Variants in SLC9A9 observed in about 807,000 individuals in gnomAD.
SLC9A9 encodes solute carrier family 9 member A9.
Under a neutral mutation model 77.8 loss-of-function variants are expected in SLC9A9, and 62 were observed. That is an observed-to-expected ratio of 0.80 (90% CI 0.65 to 0.98). The LOEUF (loss-of-function observed/expected upper bound fraction) is 0.98. Among genes scored for constraint, SLC9A9 ranks in the 50% least tolerant of loss-of-function variants. SLC9A9 has a pLI of 0.00. For missense variants in SLC9A9, 775 were observed against 774.9 expected (o/e 1.00, Z 0.00); for synonymous variants, 320 against 283.5 (o/e 1.13, Z -1.29).
At chr3:143,521,844 T>C (rs1212510139) in intron 9 of SLC9A9, among the ~76,000 whole-genome samples, 3 of 152,236 alleles carry the variant, frequency 2.0e-5, no homozygotes, top group African/African-American at 7.2e-5. Flanking sequence ...AACTTTATAA[T>C]CTTTAGTTAT....
At chr3:143,684,585 A>G (rs1034496464) in intron 5 of SLC9A9, among the ~76,000 whole-genome samples, 19 of 152,184 alleles carry the variant, frequency 1.2e-4, no homozygotes, top group Middle Eastern at 6.8e-3. Context: ...AGAAAACAGT[A>G]ATGGGTGTTT....
At chr3:143,582,119 CA>C (rs2037466062) in intron 6 of SLC9A9, among the ~76,000 whole-genome samples, 2 of 152,184 alleles carry the variant, frequency 1.3e-5, no homozygotes, top group South Asian at 4.1e-4. Flanking sequence ...GATTTTTTAG[CA>C]GACATTGACT....
intron 12 of SLC9A9, among the ~76,000 whole-genome samples, chr3:143,446,846 C>T (rs1008909111): frequency 6.6e-6 from 1 of 151,546 alleles, no homozygotes; most frequent in Non-Finnish European, 1.5e-5. Context: ...TAAAATGCTT[C>T]AATATGGCTG....
intron 14 of SLC9A9, among the ~76,000 whole-genome samples, chr3:143,331,779 A>G (rs1272015063): frequency 6.6e-6 from 1 of 152,230 alleles, no homozygotes. Flanking sequence ...TGCATTGTAT[A>G]TTAGGGGAGT....
At chr3:143,844,580 C>A (rs2009781038) in intron 1 of SLC9A9, among the ~76,000 whole-genome samples, 1 of 152,132 alleles carries the variant, frequency 6.6e-6, no homozygotes, top group African/African-American at 2.4e-5. Flanking sequence ...GCATTAGGTG[C>A]AGGTCCACTA....
intron 4 of SLC9A9, among the ~76,000 whole-genome samples, chr3:143,781,196 GCTT>G (rs2007870780): frequency 6.6e-6 from 1 of 152,128 alleles, no homozygotes; most frequent in South Asian, 2.1e-4. Flanking sequence ...GGACACTCTT[GCTT>G]AAGAATGCTA....
At chr3:143,323,692 T>C (rs926453350) in intron 14 of SLC9A9, among the ~76,000 whole-genome samples, 1 of 152,178 alleles carries the variant, frequency 6.6e-6, no homozygotes, top group African/African-American at 2.4e-5. Flanking sequence ...AAGAAAAATA[T>C]ATCGTACTCA....
chr3:143,277,762 T>C (rs1314223407), intron 14 of SLC9A9, among the ~76,000 whole-genome samples: 4 of 152,226 alleles, frequency 2.6e-5, no homozygotes, highest in African/African-American at 4.8e-5. Flanking sequence ...AGATGCCCTC[T>C]GTTAGCTTGT....
intron 14 of SLC9A9, among the ~76,000 whole-genome samples, chr3:143,335,262 A>C (rs1002473365): frequency 2.0e-5 from 3 of 152,304 alleles, no homozygotes; most frequent in Admixed American, 6.5e-5. Flanking sequence ...GTACATTGAA[A>C]AGTACAAAAC....
intron 14 of SLC9A9, among the ~76,000 whole-genome samples, chr3:143,291,583 T>A (rs1186196307): frequency 1.3e-5 from 2 of 152,152 alleles, no homozygotes; most frequent in Non-Finnish European, 2.9e-5. Context: ...AGGAAAAGGC[T>A]ATTGGGCTGG....
chr3:143,648,166 G>A (rs946927650), intron 6 of SLC9A9, among the ~76,000 whole-genome samples: 3 of 152,072 alleles, frequency 2.0e-5, no homozygotes, highest in African/African-American at 7.2e-5. Context: ...AATGTATATA[G>A]AACAACTATT....
intron 6 of SLC9A9, among the ~76,000 whole-genome samples, chr3:143,609,682 C>G (rs999855000): frequency 6.6e-6 from 1 of 151,960 alleles, no homozygotes; most frequent in East Asian, 1.9e-4. Context: ...AAAGTTACAC[C>G]CTTTCTATTT....
chr3:143,332,169 C>T (rs1289670366), intron 14 of SLC9A9, among the ~76,000 whole-genome samples: 3 of 152,138 alleles, frequency 2.0e-5, no homozygotes, highest in Non-Finnish European at 4.4e-5. Flanking sequence ...TTATTCTGAA[C>T]GTTGGGAATG....
chr3:143,549,371 A>G (rs2036842712), intron 9 of SLC9A9, among the ~76,000 whole-genome samples: 1 of 152,244 alleles, frequency 6.6e-6, no homozygotes. Flanking sequence ...AAATATGTAC[A>G]TAGGCTGTGT....
intron 14 of SLC9A9, among the ~76,000 whole-genome samples, chr3:143,328,255 T>A (rs2031660669): frequency 1.3e-5 from 2 of 152,366 alleles, no homozygotes; most frequent in Non-Finnish European, 2.9e-5. Context: ...GTGGGACATA[T>A]GGAGTATATG....
At chr3:143,394,145 C>CA (rs1004854671) in intron 12 of SLC9A9, among the ~76,000 whole-genome samples, 14 of 151,732 alleles carry the variant, frequency 9.2e-5, no homozygotes, top group East Asian at 1.9e-4. Context: ...AGAGACACAA[C>CA]AAAAAAAAGA....
intron 7 of SLC9A9, among the ~76,000 whole-genome samples, chr3:143,574,893 C>T (rs367867725): frequency 2.0e-5 from 3 of 151,994 alleles, no homozygotes; most frequent in Admixed American, 6.6e-5. Flanking sequence ...ATTAGGAGTA[C>T]GTGATCGATG....
chr3:143,581,548 C>T (rs1210480806), intron 6 of SLC9A9, among the ~76,000 whole-genome samples: 1 of 151,428 alleles, frequency 6.6e-6, no homozygotes, highest in African/African-American at 2.4e-5. Context: ...TCTTTCCTTC[C>T]TTTCTCTTTC....
intron 12 of SLC9A9, among the ~76,000 whole-genome samples, chr3:143,461,787 A>C (rs1559926764): frequency 6.6e-6 from 1 of 152,182 alleles, no homozygotes; most frequent in Non-Finnish European, 1.5e-5. Context: ...AACAGAACAC[A>C]ATCAATATTA....
Sources: allele counts gnomAD v4.1 joint callset (sites outside exome capture counted in the v4.1 genomes callset), GRCh38; gene constraint gnomAD v4.1.1; transcripts MANE v1.5; gene names NCBI Gene and HGNC (gene_info 2026-07-23, HGNC 2026-07-21).